Variants in ACTL6A observed in about 807,000 individuals in gnomAD.
The protein encoded by ACTL6A is actin-like protein 6A.
ACTL6A carries 5 observed loss-of-function variants against 59.2 expected under a neutral mutation model. The ratio of observed to expected loss-of-function variants is 0.08; its 90% confidence interval spans 0.04 to 0.18. ACTL6A has a LOEUF of 0.18. Among genes scored for constraint, ACTL6A ranks in the 10% least tolerant of loss-of-function variants. The pLI is 1.00. For synonymous variants in ACTL6A, 154 were observed against 171.8 expected, an observed-to-expected ratio of 0.90 and a Z score of 0.81; for missense variants, 285 against 526.9, an observed-to-expected ratio of 0.54 and a Z score of 4.49.
intron 8 of ACTL6A, among the ~76,000 whole-genome samples, chr3:179,579,911 A>G (rs565552207): frequency 6.6e-6 from 1 of 152,186 alleles, no homozygotes; most frequent in East Asian, 1.9e-4. Flanking sequence ...AGTAGGGAGG[A>G]CTACAGGTGC....
intron 4 of ACTL6A, 78 bp from the exon 5 acceptor site, chr3:179,574,292 T>C (rs570384920): frequency 4.9e-6 from 4 of 812,316 alleles, no homozygotes; most frequent in Admixed American, 3.7e-5. Context: ...TTTGTTAATA[T>C]AGTGCTAGAT....
Position 179,580,931 on chromosome 3 carries a change from C to T in ACTL6A, c.868C>T (p.Pro290Ser), listed in dbSNP as rs781487130. 4.4e-6 allele frequency: 7 copies of T among 1,587,280 alleles called. No homozygotes were observed. The highest frequency in any genetic ancestry group is 4.1e-5 in the African/African-American group (3 of 72,756). Residue 290 changes from proline (P) to serine (S), a missense_variant, in exon 10 of 14, where the codon CCC (proline) becomes TCC (serine). Coordinates refer to ENST00000429709, the MANE Select transcript of ACTL6A (RefSeq NM_004301.5). Reference protein sequence around the residue: ...AQMPTVHYEFPNGYNCDFGAE... With the variant: ...AQMPTVHYEFSNGYNCDFGAE... ...GATGCCAACTGTTCATTATGAATTCCCCAATGGCTACAATTGTGATTTTGG... is the reference window on the plus strand; with the variant it reads ...GATGCCAACTGTTCATTATGAATTCTCCAATGGCTACAATTGTGATTTTGG...
At chr3:179,578,847 C>T (rs146339769) in intron 8 of ACTL6A, among the ~76,000 whole-genome samples, 2,776 of 152,210 alleles carry the variant, frequency 0.018, 44 homozygotes, top group South Asian at 0.075. Flanking sequence ...CTCACTGCAA[C>T]CTCCATCTCC....
Position 179,568,197 on chromosome 3 carries a change from A to C in ACTL6A, c.26-1627A>C, listed in dbSNP as rs948916875. 2.7e-5 allele frequency among the ~76,000 whole-genome samples: 4 copies of C among 150,888 alleles called. No individual in the cohort carries two copies. In the South Asian group the frequency reaches 6.3e-4, roughly 24 times the overall value. On this transcript the variant is annotated intron_variant, in intron 1 of 13. Transcript: ENST00000429709. ...GTCAAAAAAAAAAAAAAAAAAAGAGATCATTCTGCAAAGCTACTGTCTCTT... is the reference window on the plus strand; with the variant it reads ...GTCAAAAAAAAAAAAAAAAAAAGAGCTCATTCTGCAAAGCTACTGTCTCTT...
intron 1 of ACTL6A, among the ~76,000 whole-genome samples, chr3:179,565,999 G>A (rs1352570736): frequency 6.6e-6 from 1 of 152,138 alleles, no homozygotes; most frequent in Admixed American, 6.6e-5. Context: ...GTATTAAAAA[G>A]GAGGGGATTT....
intron 13 of ACTL6A, among the ~76,000 whole-genome samples, chr3:179,587,011 G>C (rs1398549041): frequency 2.6e-5 from 4 of 152,190 alleles, no homozygotes; most frequent in Non-Finnish European, 2.9e-5. Flanking sequence ...TGAGGTCTAG[G>C]AAGTCAGGAA....
rs1420824127 is a variant in ACTL6A, at chr3:179,570,995, A to T, written c.277+754A>T. Among the ~76,000 whole-genome samples, 1 of 152,200 alleles carries T rather than the reference A, an allele frequency of 6.6e-6. No individual in the cohort carries two copies. Among genetic ancestry groups the T allele is most frequent in the Non-Finnish European group, 1.5e-5 (1 of 68,044 alleles). On this transcript the variant is annotated intron_variant, in intron 3 of 13. Transcript: ENST00000429709. The surrounding 1 kb of genome is among the most constrained non-coding windows in gnomAD (Gnocchi z 4.3). ...ACCAGGAGACAAATGGTACTAAATG[A>T]TCGAGGGAGTGAAAGCAAGAGAGAA...
intron 1 of ACTL6A, among the ~76,000 whole-genome samples, chr3:179,563,804 G>A (rs1382218247): frequency 6.6e-6 from 1 of 152,186 alleles, no homozygotes; most frequent in African/African-American, 2.4e-5. Context: ...AAAGTTTGCT[G>A]GGGGTCCTAG....
intron 1 of ACTL6A, 27 bp downstream of exon 1, chr3:179,563,144 G>A: frequency 1.2e-6 from 2 of 1,608,330 alleles, no homozygotes; most frequent in Non-Finnish European, 1.7e-6. Context: ...GGACGAGAGA[G>A]CGCGCCTTTT....
At chr3:179,579,841 GGTGCAGTT>G (rs1367196752) in intron 8 of ACTL6A, among the ~76,000 whole-genome samples, 1 of 152,180 alleles carries the variant, frequency 6.6e-6, no homozygotes, top group East Asian at 1.9e-4. Context: ...GGAGTGCAGT[GGTGCAGTT>G]GTAGTTCACT....
chr3:179,572,251 G>A (rs114046189), intron 3 of ACTL6A, among the ~76,000 whole-genome samples: 4,858 of 151,496 alleles, frequency 0.032, 110 homozygotes, highest in South Asian at 0.08. Context: ...AAAAAAGCAG[G>A]GGAAGAACAA....
In ACTL6A at chr3:179,581,168, T is replaced by C; in HGVS notation, c.974T>C (p.Val325Ala). ...TTATCAGGAAACACAATGTTAGGAG[T>C]CAGTCATGTTGTCACCACAAGTGTT... Reference protein sequence around the residue: ...KGLSGNTMLGVSHVVTTSVGM... With the variant: ...KGLSGNTMLGASHVVTTSVGM... The change falls in exon 11 of 14, where the codon GTC becomes GCC. Residue 325 changes from valine to alanine, a missense_variant. Transcript: ENST00000429709. The C allele has an allele frequency of 6.2e-7, 1 of 1,614,012 alleles. No homozygotes were observed. Among genetic ancestry groups the C allele is most frequent in the South Asian group, 1.1e-5 (1 of 91,082 alleles).
At chr3:179,566,846 C>T (rs374220815) in intron 1 of ACTL6A, among the ~76,000 whole-genome samples, 3 of 152,076 alleles carry the variant, frequency 2.0e-5, no homozygotes, top group Non-Finnish European at 2.9e-5. Flanking sequence ...CATACGGCCA[C>T]GCCCGGCTAA....
chr3:179,572,843 A>C (rs904290295), intron 3 of ACTL6A, among the ~76,000 whole-genome samples: 3 of 152,184 alleles, frequency 2.0e-5, no homozygotes, highest in Admixed American at 2.0e-4. Flanking sequence ...GACTTATGTC[A>C]GTAGTTTTAA....
Position 179,570,033 on chromosome 3 carries a change from TG to T in ACTL6A, c.103-33del. On this transcript the variant is annotated intron_variant, in intron 2 of 13. Coordinates refer to ENST00000429709, the MANE Select transcript of ACTL6A (RefSeq NM_004301.5). The surrounding 1 kb of genome is among the most constrained non-coding windows in gnomAD (Gnocchi z 4.3). Reference sequence around the variant, plus strand: ...GAAAAAATGCCTTCTTGATGAAAGGTGAAACTTGTATGTCATGTTTCTGACT... The same window carrying T: ...GAAAAAATGCCTTCTTGATGAAAGGTAAACTTGTATGTCATGTTTCTGACT... The T allele has an allele frequency of 6.3e-7, 1 of 1,599,576 alleles. No individual in the cohort carries two copies. The highest frequency in any genetic ancestry group is 1.7e-5 in the Admixed American group (1 of 57,260).
chr3:179,579,774 G>T (rs1400163774), intron 8 of ACTL6A, among the ~76,000 whole-genome samples: 1 of 152,116 alleles, frequency 6.6e-6, no homozygotes, highest in Non-Finnish European at 1.5e-5. Context: ...GACGACAAGA[G>T]CAAGACTCTG....
In ACTL6A at chr3:179,588,241, T is replaced by A. The variant is rs530939108; in HGVS notation, c.*231T>A. On this transcript the variant is annotated 3_prime_UTR_variant, in exon 14 of 14. Transcript: ENST00000429709. ...TTTATAATTTTGTATAAATGTCTAT[T>A]TTCTCTAAATATTTTGCTTTCAGTA... 6 of 389,886 alleles carry A rather than the reference T, an allele frequency of 1.5e-5. No individual in the cohort carries two copies. In the South Asian group the frequency reaches 4.0e-4, roughly 26 times the overall value. 24.2% of individuals were successfully genotyped at this position (389,886 alleles called of 1,614,324 possible).
Position 179,570,429 on chromosome 3 carries a change from C to T in ACTL6A, c.277+188C>T. The T allele has an allele frequency of 1.8e-6, 1 of 548,860 alleles. No individual in the cohort carries two copies. Among genetic ancestry groups the T allele is most frequent in the Non-Finnish European group, 3.1e-6 (1 of 322,632 alleles). The allele number at this position is 548,860 out of a possible 1,614,324, so 34.0% of individuals were successfully genotyped here. ...AAGAAATGTTCCTTTTCATTAAAAG[C>T]TTACAGTTAGTTGGGGGAAATAGAT... On this transcript the variant is annotated intron_variant, in intron 3 of 13. Coordinates refer to ENST00000429709, the MANE Select transcript of ACTL6A (RefSeq NM_004301.5). This position sits in a 1 kb window ranked among gnomAD's most constrained non-coding sequence, Gnocchi z 4.3.
intron 5 of ACTL6A, 140 bp from the exon 6 acceptor site, chr3:179,576,077 C>T: frequency 6.6e-6 from 4 of 606,466 alleles, no homozygotes; most frequent in Non-Finnish European, 8.5e-6. Flanking sequence ...ATTTTTATCC[C>T]TAGATTCACT....
Sources: allele counts gnomAD v4.1 joint callset (sites outside exome capture counted in the v4.1 genomes callset), GRCh38; gene constraint gnomAD v4.1.1; non-coding constraint Gnocchi (gnomAD v3.1); transcripts MANE v1.5; gene names NCBI Gene and HGNC (gene_info 2026-07-23, HGNC 2026-07-21).